The following AGFG1 variants were observed in gnomAD, a reference collection of about 807,000 sequenced individuals.
AGFG1 encodes the protein arf-GAP domain and FG repeat-containing protein 1.
Under a neutral mutation model 60.6 loss-of-function variants are expected in AGFG1, and 10 were observed. The observed-to-expected ratio is 0.16, with a 90% confidence interval of 0.10 to 0.28. The LOEUF (loss-of-function observed/expected upper bound fraction) is 0.28, where lower values mean the gene tolerates loss of function less well. Among genes scored for constraint, AGFG1 ranks in the 10% least tolerant of loss-of-function variants. AGFG1 has a pLI of 1.00. For missense variants in AGFG1, 537 were observed against 676.5 expected, an observed-to-expected ratio of 0.79 and a Z score of 2.29; for synonymous variants, 247 against 242.9, an observed-to-expected ratio of 1.02 and a Z score of -0.16.
At chr2:227,528,359 T>A (rs1692058825) in intron 5 of AGFG1, among the ~76,000 whole-genome samples, 1 of 152,116 alleles carries the variant, frequency 6.6e-6, no homozygotes, top group Non-Finnish European at 1.5e-5. Context: ...TGTGGTAGAT[T>A]TCCCTTCTCC....
At chr2:227,549,865 A>G (rs1344654461) in intron 10 of AGFG1, among the ~76,000 whole-genome samples, 1 of 152,348 alleles carries the variant, frequency 6.6e-6, no homozygotes, top group Non-Finnish European at 1.5e-5. Flanking sequence ...AAACAGTATA[A>G]ATATTACAGG....
intron 2 of AGFG1, among the ~76,000 whole-genome samples, chr2:227,498,003 T>C (rs1348914153): frequency 6.6e-6 from 1 of 152,142 alleles, no homozygotes. Context: ...TCCCTGACCT[T>C]CATTTTCCTT....
In AGFG1 at chr2:227,472,553, C is replaced by T; in HGVS notation, c.132C>T (p.Val44=). 1 of 1,579,552 alleles carries T rather than the reference C, an allele frequency of 6.3e-7. No homozygotes were observed. The highest frequency in any genetic ancestry group is 1.4e-5 in the African/African-American group (1 of 71,616). ...GCCCCACCTACGTTAACATGACGGTCGGCTCCTTCGTGTGTACCTCCTGCT... is the reference window on the plus strand; with the variant it reads ...GCCCCACCTACGTTAACATGACGGTTGGCTCCTTCGTGTGTACCTCCTGCT... ...QRGPTYVNMT[V]GSFVCTSCSG... is the part of the protein sequence containing the mutation. The change falls in exon 1 of 13, where the codon GTC becomes GTT. Residue 44 remains valine, a synonymous_variant. Transcript: ENST00000310078.
At chr2:227,472,841 G>T (rs1690142347) in intron 1 of AGFG1, among the ~76,000 whole-genome samples, 1 of 151,982 alleles carries the variant, frequency 6.6e-6, no homozygotes, top group African/African-American at 2.4e-5. Flanking sequence ...AGCCTTCGTG[G>T]GTGGGACGTG....
rs148621752 is a variant in AGFG1 at position 227,497,730 on chromosome 2, G to GTTTTTTTTTT, written c.261+6094_261+6095insTTTTTTTTTT. Among the ~76,000 whole-genome samples the GTTTTTTTTTT allele has an allele frequency of 3.8e-3, 148 of 38,924 alleles. 18 individuals carry two copies. The highest frequency in any genetic ancestry group is 0.011 in the African/African-American group (139 of 13,232). 25.5% of individuals were successfully genotyped at this position (38,924 alleles called of 152,430 possible). ...ATATAGCCAAATGAGTTTCTTTCTT[G>GTTTTTTTTTT]TTTTGTTTTTTTTTTTTTTTTTTTT... On this transcript the variant is annotated intron_variant, in intron 2 of 12. Transcript: ENST00000310078.
At chr2:227,546,441 G>A (rs137978465) in intron 10 of AGFG1, among the ~76,000 whole-genome samples, 1,600 of 152,312 alleles carry the variant, frequency 0.011, 14 homozygotes, top group Non-Finnish European at 0.018. Context: ...TGCACTTCCC[G>A]GGTGAGGTGA....
chr2:227,522,045 T>C (rs923140670), intron 3 of AGFG1, among the ~76,000 whole-genome samples: 6 of 152,190 alleles, frequency 3.9e-5, no homozygotes, highest in African/African-American at 9.7e-5. Flanking sequence ...ATAAGCACTA[T>C]CCAGATGCAG....
At position 227,535,021 on chromosome 2, in the gene AGFG1, A is replaced by G; in HGVS notation, c.1201A>G (p.Ser401Gly). 2 of 1,606,236 alleles carry G rather than the reference A, an allele frequency of 1.2e-6. No homozygotes were observed. The highest frequency in any genetic ancestry group is 2.2e-5 in the South Asian group (2 of 90,096). ...TGCGTATACTTCCACAAGTAATGCTAGCAGGTACCTTGTCTTAGCTAGCCC... is the reference window on the plus strand; with the variant it reads ...TGCGTATACTTCCACAAGTAATGCTGGCAGGTACCTTGTCTTAGCTAGCCC... The part of the protein sequence containing the change: ...SNAYTSTSNA[S>G]SNVFGTVPVV... Residue 401 changes from serine (S) to glycine (G), a missense_variant, in exon 8 of 13, where the codon AGC becomes GGC. Physicochemically the swap from Ser to Gly is moderately conservative, Grantham distance 56. Transcript: ENST00000310078.
intron 4 of AGFG1, 86 bp from the exon 5 acceptor site, chr2:227,524,676 A>C: frequency 7.3e-7 from 1 of 1,372,180 alleles, no homozygotes; most frequent in Non-Finnish European, 1.0e-6. Flanking sequence ...CGTATGTATA[A>C]GTGTGTTTTA....
intron 10 of AGFG1, among the ~76,000 whole-genome samples, chr2:227,540,620 C>A (rs1488593351): frequency 1.3e-5 from 2 of 152,124 alleles, no homozygotes; most frequent in Admixed American, 6.6e-5. Context: ...GTTGGTTCCA[C>A]GTCTTTGCTA....
chr2:227,490,540 T>C (rs918242048), intron 1 of AGFG1, among the ~76,000 whole-genome samples: 11 of 146,844 alleles, frequency 7.5e-5, no homozygotes, highest in African/African-American at 2.5e-4. Flanking sequence ...ACTGCGCCAC[T>C]GCACTCCAGC....
chr2:227,494,660 A>G (rs1411765885), intron 2 of AGFG1, among the ~76,000 whole-genome samples: 1 of 152,220 alleles, frequency 6.6e-6, no homozygotes, highest in African/African-American at 2.4e-5. Context: ...GAACAGAATT[A>G]ACCTGCATGC....
chr2:227,543,737 C>T (rs1422383187), intron 10 of AGFG1, among the ~76,000 whole-genome samples: 1 of 152,152 alleles, frequency 6.6e-6, no homozygotes, highest in Non-Finnish European at 1.5e-5. Flanking sequence ...ATTGATCTGT[C>T]TGATGTTGAC....
intron 8 of AGFG1, among the ~76,000 whole-genome samples, chr2:227,535,644 A>C (rs896000150): frequency 6.6e-6 from 1 of 152,218 alleles, no homozygotes; most frequent in Admixed American, 6.5e-5. Flanking sequence ...CAAGAGATTT[A>C]CCTATAACAA....
intron 1 of AGFG1, among the ~76,000 whole-genome samples, chr2:227,485,147 T>C (rs1207529772): frequency 6.6e-6 from 1 of 152,128 alleles, no homozygotes; most frequent in Non-Finnish European, 1.5e-5. Flanking sequence ...CTCCCTTCCA[T>C]TGAGAAGTCT....
chr2:227,544,860 G>T (rs911579954), intron 10 of AGFG1, among the ~76,000 whole-genome samples: 1 of 152,040 alleles, frequency 6.6e-6, no homozygotes, highest in African/African-American at 2.4e-5. Flanking sequence ...TTTGTGGGTA[G>T]CCCGACCTTT....
At chr2:227,507,190 A>G (rs1413097418) in intron 2 of AGFG1, among the ~76,000 whole-genome samples, 1 of 152,108 alleles carries the variant, frequency 6.6e-6, no homozygotes, top group Non-Finnish European at 1.5e-5. Context: ...AAATTTAATA[A>G]TACTGAGACT....
Position 227,533,715 on chromosome 2 carries a change from T to C in AGFG1, c.981T>C (p.Tyr327=), listed in dbSNP as rs751926636. 1.1e-5 allele frequency: 18 copies of C among 1,613,654 alleles called. No individual in the cohort carries two copies. Among genetic ancestry groups the C allele is most frequent in the Non-Finnish European group, 2.5e-6 (3 of 1,179,786 alleles). Residue 327 remains tyrosine, a synonymous_variant, in exon 7 of 13, where the codon TAT becomes TAC. Coordinates refer to ENST00000310078, the MANE Select transcript of AGFG1 (RefSeq NM_004504.5). ...NKAGLQTADK[Y]AALANLDNIF... Reference sequence around the variant, plus strand: ...CTGGTTTACAGACTGCAGACAAATATGCAGCACTTGCTAATTTAGACAATA... The same window carrying C: ...CTGGTTTACAGACTGCAGACAAATACGCAGCACTTGCTAATTTAGACAATA...
intron 5 of AGFG1, among the ~76,000 whole-genome samples, chr2:227,526,605 C>T (rs1692003005): frequency 7.0e-6 from 1 of 143,188 alleles, no homozygotes; most frequent in Non-Finnish European, 1.5e-5. Flanking sequence ...TGCAGTGGCA[C>T]AATCTTGGCT....
Sources: allele counts gnomAD v4.1 joint callset (sites outside exome capture counted in the v4.1 genomes callset), GRCh38; gene constraint gnomAD v4.1.1; transcripts MANE v1.5; gene names NCBI Gene and HGNC (gene_info 2026-07-23, HGNC 2026-07-21).